The following TFPI variants were observed in gnomAD, a reference collection of about 807,000 sequenced individuals.
TFPI encodes the protein tissue factor pathway inhibitor.
TFPI carries 15 observed loss-of-function variants against 34.6 expected under a neutral mutation model. The ratio of observed to expected loss-of-function variants is 0.43; its 90% CI spans 0.29 to 0.67. TFPI has a LOEUF of 0.67. Ranked by LOEUF, TFPI falls within the 30% of genes least tolerant of loss-of-function variation. The pLI, the probability that TFPI is intolerant of heterozygous loss-of-function variation, is 0.15. For missense variants in TFPI, 301 were observed against 364.0 expected, an observed-to-expected ratio of 0.83 and a Z score of 1.41; for synonymous variants, 105 against 120.1, an observed-to-expected ratio of 0.87 and a Z score of 0.82.
chr2:187,498,716 T>C (rs1167528376), intron 2 of TFPI, among the ~76,000 whole-genome samples: 1 of 151,900 alleles, frequency 6.6e-6, no homozygotes, highest in Non-Finnish European at 1.5e-5. Flanking sequence ...TTTTTTTCAA[T>C]TGAAATAAAT....
At chr2:187,489,558 G>T (rs1424398066) in intron 3 of TFPI, among the ~76,000 whole-genome samples, 1 of 151,264 alleles carries the variant, frequency 6.6e-6, no homozygotes, top group African/African-American at 2.4e-5. Flanking sequence ...TAATTGATAA[G>T]AAGAAAGAAA....
intron 2 of TFPI, among the ~76,000 whole-genome samples, chr2:187,502,369 C>T (rs941040015): frequency 6.6e-6 from 1 of 152,234 alleles, no homozygotes; most frequent in Middle Eastern, 3.4e-3. Context: ...CTATTTGCTT[C>T]TCACTTCCCA....
intron 1 of TFPI, among the ~76,000 whole-genome samples, chr2:187,538,172 T>C (rs1156407537): frequency 6.6e-6 from 1 of 152,184 alleles, no homozygotes; most frequent in Non-Finnish European, 1.5e-5. Context: ...TGGAAGACAA[T>C]GTGGTGATTC....
At chr2:187,510,866 G>T (rs963096631) in intron 1 of TFPI, among the ~76,000 whole-genome samples, 4 of 152,210 alleles carry the variant, frequency 2.6e-5, no homozygotes, top group Non-Finnish European at 4.4e-5. Context: ...TGAGATGCAA[G>T]TCTGCTGAAA....
chr2:187,478,833 ATG>A (rs773571998), intron 6 of TFPI: 7 of 1,575,166 alleles, frequency 4.4e-6, no homozygotes. Flanking sequence ...TAAATAAAAA[ATG>A]TGAGTCATCT....
intron 1 of TFPI, among the ~76,000 whole-genome samples, chr2:187,539,922 C>T (rs543819597): frequency 2.3e-3 from 321 of 142,340 alleles, no homozygotes; most frequent in Middle Eastern, 3.6e-3. Flanking sequence ...TTTTTTGAGA[C>T]GGAGCCTCGC....
intron 3 of TFPI, among the ~76,000 whole-genome samples, chr2:187,495,564 C>T (rs1023673959): frequency 6.6e-6 from 1 of 152,154 alleles, no homozygotes; most frequent in Non-Finnish European, 1.5e-5. Flanking sequence ...GAAATATATT[C>T]GTGTCTATTC....
At chr2:187,473,819 G>C (rs559340387) in intron 6 of TFPI, among the ~76,000 whole-genome samples, 2 of 144,236 alleles carry the variant, frequency 1.4e-5, no homozygotes, top group African/African-American at 5.6e-5. Context: ...TTTTCCCCCC[G>C]CATGTGTATA....
At chr2:187,545,536 A>C (rs1314065582) in intron 1 of TFPI, among the ~76,000 whole-genome samples, 2 of 152,156 alleles carry the variant, frequency 1.3e-5, no homozygotes, top group Non-Finnish European at 2.9e-5. Context: ...GCAATGTTTC[A>C]ACTCAGACAT....
At chr2:187,508,111 A>G (rs1023804585) in intron 1 of TFPI, among the ~76,000 whole-genome samples, 1 of 152,234 alleles carries the variant, frequency 6.6e-6, no homozygotes, top group African/African-American at 2.4e-5. Context: ...GTCAAAGATC[A>G]GATGATTTTA....
rs145468929 is a variant in TFPI, at chr2:187,531,989, T to C, written c.-3+22211A>G. ...GCTACATATTTAACTAACTGTTCTA[T>C]TCTTTTAGTATTTAAAATATTAAAA... On this transcript the variant is annotated intron_variant, in intron 1 of 7. Coordinates refer to ENST00000233156, the MANE Select transcript of TFPI (RefSeq NM_006287.6). Among the ~76,000 whole-genome samples, 524 of 152,306 alleles carry C rather than the reference T, an allele frequency of 3.4e-3. 2 individuals carry two copies. Among genetic ancestry groups the C allele is most frequent in the African/African-American group, 0.012 (507 of 41,572 alleles).
rs557604244 is a variant in TFPI, at chr2:187,486,841, A to G, written c.358+1496T>C. On this transcript the variant is annotated intron_variant, in intron 4 of 7. Transcript: ENST00000233156. ...TTTTGTTTGGGCCTGAATACTTGGG[A>G]ATTGTCTTGGACCAAACTTTCTTTC... 3.4e-4 allele frequency among the ~76,000 whole-genome samples: 52 copies of G among 151,708 alleles called. No homozygotes were observed. In the East Asian group the frequency reaches 9.7e-3, roughly 28 times the overall value.
chr2:187,471,192 T>C (rs1692013246), intron 6 of TFPI, among the ~76,000 whole-genome samples: 1 of 152,214 alleles, frequency 6.6e-6, no homozygotes, highest in South Asian at 2.1e-4. Flanking sequence ...ACCTAATACG[T>C]AAACTAATTC....
intron 6 of TFPI, among the ~76,000 whole-genome samples, chr2:187,474,682 C>A (rs1692258592): frequency 6.6e-6 from 1 of 151,990 alleles, no homozygotes; most frequent in Non-Finnish European, 1.5e-5. Flanking sequence ...TGAATTTGGG[C>A]AGGTAGAGAG....
At chr2:187,481,983 C>G (rs1692900204) in intron 6 of TFPI, among the ~76,000 whole-genome samples, 1 of 151,932 alleles carries the variant, frequency 6.6e-6, no homozygotes, top group African/African-American at 2.4e-5. Flanking sequence ...ACACAATAAA[C>G]TAAAGAAGAC....
intron 3 of TFPI, among the ~76,000 whole-genome samples, chr2:187,489,027 T>C (rs8176500): frequency 0.14 from 21,535 of 151,430 alleles, 2,152 homozygotes; most frequent in East Asian, 0.36. Context: ...GAAATTTAAA[T>C]TGACAAAATA....
chr2:187,516,419 C>G (rs1687007642), intron 1 of TFPI: 1 of 152,162 alleles, frequency 6.6e-6, no homozygotes, highest in African/African-American at 2.4e-5. Context: ...GTAATAGGAA[C>G]CTGCTTACTA....
intron 1 of TFPI, among the ~76,000 whole-genome samples, chr2:187,542,590 G>A (rs550743370): frequency 2.0e-5 from 3 of 152,228 alleles, no homozygotes; most frequent in African/African-American, 7.2e-5. Context: ...GATTTCTGGG[G>A]CTGGACGCTG....
Position 187,466,650 on chromosome 2 carries a change from G to T in TFPI, c.*286C>A, listed in dbSNP as rs931249058. On this transcript the variant is annotated 3_prime_UTR_variant, in exon 8 of 8. Coordinates refer to ENST00000233156, the MANE Select transcript of TFPI (RefSeq NM_006287.6). ...CCAAATGGAATCAAAGGACTGATTTGATGTAGCCGGTAGTATGATAATTTG... is the reference window on the plus strand; with the variant it reads ...CCAAATGGAATCAAAGGACTGATTTTATGTAGCCGGTAGTATGATAATTTG... 2 of 219,390 alleles carry T rather than the reference G, an allele frequency of 9.1e-6. No homozygotes were observed. Among genetic ancestry groups the T allele is most frequent in the Non-Finnish European group, 1.8e-5 (2 of 110,470 alleles). The allele number at this position is 219,390 out of a possible 1,614,324, so 13.6% of individuals were successfully genotyped here. A position where few individuals can be genotyped will look rare whatever the true frequency, so the allele number is the denominator to read the frequency against.
Sources: allele counts gnomAD v4.1 joint callset (sites outside exome capture counted in the v4.1 genomes callset), GRCh38; gene constraint gnomAD v4.1.1; transcripts MANE v1.5; gene names NCBI Gene and HGNC (gene_info 2026-07-23, HGNC 2026-07-21).